Variants in ARF1 observed in about 807,000 individuals in gnomAD.
ARF1 encodes the protein ADP-ribosylation factor 1.
Under a neutral mutation model 18.0 loss-of-function variants are expected in ARF1, and 1 was observed. The observed-to-expected ratio is 0.06, with a 90% confidence interval of 0.02 to 0.26. The LOEUF is 0.26. Ranked by LOEUF, ARF1 falls within the 10% of genes least tolerant of loss-of-function variation. The pLI is 1.00. For missense variants in ARF1, 73 were observed against 247.2 expected (o/e 0.30, Z 4.73); for synonymous variants, 112 against 96.3 (o/e 1.16, Z -0.95).
intron 1 of ARF1, among the ~76,000 whole-genome samples, chr1:228,088,824 C>G (rs1438168910): frequency 1.3e-5 from 2 of 152,210 alleles, no homozygotes; most frequent in Non-Finnish European, 2.9e-5. Flanking sequence ...AGCAGTGGTT[C>G]TCTGCCGTCT....
chr1:228,094,452 T>C (rs1184310038), intron 1 of ARF1, among the ~76,000 whole-genome samples: 1 of 152,086 alleles, frequency 6.6e-6, no homozygotes. Context: ...TTTCGTTCCA[T>C]TTCATGCTTG....
At chr1:228,095,356 T>C (rs1056569940) in intron 1 of ARF1, among the ~76,000 whole-genome samples, 5 of 152,156 alleles carry the variant, frequency 3.3e-5, no homozygotes, top group Non-Finnish European at 5.9e-5. Context: ...TCAGGAATTA[T>C]TCTGGAATTT....
rs1471715355 is a variant in ARF1 at position 228,097,992 on chromosome 1, T to C, written c.525T>C (p.Asn175=). The C allele has an allele frequency of 6.2e-7, 1 of 1,613,926 alleles. No homozygotes were observed. Among genetic ancestry groups the C allele is most frequent in the Admixed American group, 1.7e-5 (1 of 60,000 alleles). ...GLYEGLDWLS[N]QLRNQK Reference sequence around the variant, plus strand: ...ATGAAGGACTGGACTGGCTGTCCAATCAGCTCCGGAACCAGAAGTGAACGC... The same window carrying C: ...ATGAAGGACTGGACTGGCTGTCCAACCAGCTCCGGAACCAGAAGTGAACGC... Residue 175 remains asparagine (N), a synonymous_variant, in exon 5 of 5, where the codon AAT becomes AAC. Transcript: ENST00000272102. The surrounding 1 kb of genome is among the most constrained non-coding windows in gnomAD (Gnocchi z 8.1).
intron 1 of ARF1, among the ~76,000 whole-genome samples, chr1:228,096,241 G>A (rs2032741951): frequency 6.6e-6 from 1 of 152,264 alleles, no homozygotes; most frequent in Admixed American, 6.5e-5. Flanking sequence ...AGGGGTGGGT[G>A]TGCTCACAGG....
rs565745827 is a variant in ARF1 at position 228,095,897 on chromosome 1, C to A, written c.-37-1181C>A. Among the ~76,000 whole-genome samples, 5 of 152,282 alleles carry A rather than the reference C, an allele frequency of 3.3e-5. No individual in the cohort carries two copies. In the East Asian group the frequency reaches 9.6e-4, roughly 29 times the overall value. On this transcript the variant is annotated intron_variant, in intron 1 of 4. Transcript: ENST00000272102. The stretch of plus-strand genomic sequence containing the variant: ...AAAAAGGGAACACTACAGTGAAGGT[C>A]CTTATAAATTTCAGAACTCATTTAA...
chr1:228,097,066 T>C lies in ARF1; in HGVS notation c.-37-12T>C. On this transcript the variant is annotated splice_polypyrimidine_tract_variant and intron_variant, in intron 1 of 4. Transcript: ENST00000272102. The surrounding 1 kb of genome is among the most constrained non-coding windows in gnomAD (Gnocchi z 8.1). ...AGCACAGAACCAGACATGGAGCACC[T>C]TGTCTCTCCAGGTGTCCCTGGCCAG... The C allele has an allele frequency of 6.4e-7, 1 of 1,550,436 alleles. No individual in the cohort carries two copies. Among genetic ancestry groups the C allele is most frequent in the South Asian group, 1.2e-5 (1 of 80,370 alleles).
At chr1:228,084,955 G>A (rs2032346726) in intron 1 of ARF1, among the ~76,000 whole-genome samples, 1 of 152,222 alleles carries the variant, frequency 6.6e-6, no homozygotes, top group South Asian at 2.1e-4. Context: ...CCATTCTCCT[G>A]AGCAAGAGGC....
chr1:228,097,549 G>T lies in ARF1; in HGVS notation c.260-42G>T, dbSNP rs762419898. 16 of 1,613,888 alleles carry T rather than the reference G, an allele frequency of 9.9e-6. No homozygotes were observed. Among genetic ancestry groups the T allele is most frequent in the Non-Finnish European group, 1.3e-5 (15 of 1,179,922 alleles). ...ATCGATGCCCATAGATGCGGCAGGG[G>T]GGCTGTGTTCCCATGACCATTTGAC... On this transcript the variant is annotated intron_variant, in intron 3 of 4. Coordinates refer to ENST00000272102, the MANE Select transcript of ARF1 (RefSeq NM_001658.4). This position sits in a 1 kb window ranked among gnomAD's most constrained non-coding sequence, Gnocchi z 8.1.
intron 1 of ARF1, among the ~76,000 whole-genome samples, chr1:228,087,883 G>A (rs747525650): frequency 9.9e-5 from 15 of 152,164 alleles, no homozygotes; most frequent in Non-Finnish European, 1.9e-4. Flanking sequence ...TTGTTGATGC[G>A]ATAGGTTTTT....
intron 1 of ARF1, among the ~76,000 whole-genome samples, chr1:228,094,208 G>A (rs534963135): frequency 2.0e-5 from 3 of 152,234 alleles, no homozygotes; most frequent in South Asian, 2.1e-4. Flanking sequence ...TTCAGTGGTC[G>A]TGGCAGTCTG....
rs74140918 is a variant in ARF1 at position 228,085,375 on chromosome 1, A to G, written c.-38+2610A>G. 2.1e-3 allele frequency among the ~76,000 whole-genome samples: 319 copies of G among 152,326 alleles called. 2 individuals are homozygous for G. The highest frequency in any genetic ancestry group is 0.015 in the East Asian group (77 of 5,190). ...CCGCACCGTCCAGATAGGTAGTTTCACATTCTCAGGTGGGTCAGATGACCT... is the reference window on the plus strand; with the variant it reads ...CCGCACCGTCCAGATAGGTAGTTTCGCATTCTCAGGTGGGTCAGATGACCT... On this transcript the variant is annotated intron_variant, in intron 1 of 4. Coordinates refer to ENST00000272102, the MANE Select transcript of ARF1 (RefSeq NM_001658.4).
chr1:228,096,284 T>C (rs541965227), intron 1 of ARF1, among the ~76,000 whole-genome samples: 2 of 152,378 alleles, frequency 1.3e-5, no homozygotes, highest in Admixed American at 1.3e-4. Flanking sequence ...GCAGAAGCCT[T>C]CCTCACTCGG....
At chr1:228,095,446 C>T (rs895651083) in intron 1 of ARF1, among the ~76,000 whole-genome samples, 3 of 152,238 alleles carry the variant, frequency 2.0e-5, no homozygotes, top group African/African-American at 7.2e-5. Flanking sequence ...GCTTGTCCAA[C>T]CCTTAGGCCG....
At chr1:228,083,207 C>T (rs1013223885) in intron 1 of ARF1, 4 of 152,222 alleles carry the variant, frequency 2.6e-5, no homozygotes, top group African/African-American at 7.2e-5. Context: ...GTCGTGGGGC[C>T]TCCCCCACCC....
chr1:228,093,955 CAAA>C (rs869199671), intron 1 of ARF1, among the ~76,000 whole-genome samples: 72 of 51,142 alleles, frequency 1.4e-3, no homozygotes, highest in African/African-American at 4.1e-3. Flanking sequence ...GACTCTGTCT[CAAA>C]AAAAAAAAAA....
chr1:228,093,799 G>A (rs369129981), intron 1 of ARF1, among the ~76,000 whole-genome samples: 1 of 151,840 alleles, frequency 6.6e-6, no homozygotes, highest in Admixed American at 6.6e-5. Flanking sequence ...GTGGTGGCAC[G>A]CGCCTGTAGT....
chr1:228,087,323 G>C (rs2032437069), intron 1 of ARF1, among the ~76,000 whole-genome samples: 1 of 152,194 alleles, frequency 6.6e-6, no homozygotes, highest in African/African-American at 2.4e-5. Flanking sequence ...ACTCATCCTG[G>C]GGATTGGGAA....
intron 1 of ARF1, among the ~76,000 whole-genome samples, chr1:228,091,397 T>C (rs1344499717): frequency 6.6e-6 from 1 of 152,168 alleles, no homozygotes; most frequent in Non-Finnish European, 1.5e-5. Context: ...GGTCACTGTG[T>C]CGAGTTGTAA....
rs1267893344 is a variant in ARF1, at chr1:228,098,624, G to A, written c.*611G>A. 1 of 152,604 alleles carries A rather than the reference G, an allele frequency of 6.6e-6. No homozygotes were observed. The highest frequency in any genetic ancestry group is 1.5e-5 in the Non-Finnish European group (1 of 68,070). 9.5% of individuals were successfully genotyped at this position (152,604 alleles called of 1,614,324 possible). On this transcript the variant is annotated 3_prime_UTR_variant, in exon 5 of 5. Transcript: ENST00000272102. Reference sequence around the variant, plus strand: ...GATCCCCGCAACTCGCTTGTCCTTGGGTCACCCTGCATTCCATAGCCATGT... The same window carrying A: ...GATCCCCGCAACTCGCTTGTCCTTGAGTCACCCTGCATTCCATAGCCATGT...
Sources: gnomAD v4.1 joint callset for allele counts (sites outside exome capture counted in the v4.1 genomes callset) on GRCh38, gnomAD v4.1.1 for gene constraint, Gnocchi (gnomAD v3.1) non-coding constraint, MANE v1.5 for transcripts, NCBI Gene and HGNC (gene_info 2026-07-23, HGNC 2026-07-21) for gene names.